Variants in SNW1 observed in about 807,000 individuals in gnomAD.
SNW1 encodes the protein SNW domain containing 1.
SNW1 carries 9 observed loss-of-function variants against 75.6 expected under a neutral mutation model. That is an observed-to-expected ratio of 0.12 (90% CI 0.07 to 0.21). The LOEUF is 0.21. Among genes scored for constraint, SNW1 ranks in the 10% least tolerant of loss-of-function variants. The pLI is 1.00. For synonymous variants in SNW1, 200 were observed against 219.1 expected, an observed-to-expected ratio of 0.91 and a Z score of 0.77; for missense variants, 409 against 670.9, an observed-to-expected ratio of 0.61 and a Z score of 4.31.
chr14:77,719,037 C>A (rs771282288), intron 12 of SNW1, among the ~76,000 whole-genome samples: 13 of 152,100 alleles, frequency 8.5e-5, no homozygotes, highest in Non-Finnish European at 1.6e-4. Context: ...CCTCAGCCTC[C>A]CAAGTAGCTG....
At chr14:77,760,789 C>T (rs1414604475) in intron 1 of SNW1, 2 of 706,566 alleles carry the variant, frequency 2.8e-6, no homozygotes, top group Non-Finnish European at 5.1e-6. Context: ...AACCCCATCT[C>T]GTTCGCCCGA....
At chr14:77,740,435 G>A (rs2080709422) in intron 3 of SNW1, among the ~76,000 whole-genome samples, 2 of 152,094 alleles carry the variant, frequency 1.3e-5, no homozygotes, top group African/African-American at 2.4e-5. Context: ...GAGCAAAAAA[G>A]TGTGAGCCAC....
In SNW1 at chr14:77,718,085, T is replaced by G; in HGVS notation, c.*3A>C. The stretch of plus-strand genomic sequence containing the variant: ...AGTTCATTCACTTTGGAGAGACCTG[T>G]GCCTATTCCTTCCTCCTCTTCTTGC... On this transcript the variant is annotated 3_prime_UTR_variant, in exon 14 of 14. Coordinates refer to ENST00000261531, the MANE Select transcript of SNW1 (RefSeq NM_012245.3). The G allele has an allele frequency of 6.4e-7, 1 of 1,572,202 alleles. No individual in the cohort carries two copies. The highest frequency in any genetic ancestry group is 8.6e-7 in the Non-Finnish European group (1 of 1,159,838).
intron 1 of SNW1, among the ~76,000 whole-genome samples, chr14:77,759,251 G>C (rs2080866660): frequency 6.6e-6 from 1 of 152,226 alleles, no homozygotes; most frequent in African/African-American, 2.4e-5. Context: ...GCTCACGCCA[G>C]TAATGCCAGC....
At chr14:77,732,155 T>C (rs2080632565) in intron 9 of SNW1, among the ~76,000 whole-genome samples, 1 of 152,210 alleles carries the variant, frequency 6.6e-6, no homozygotes, top group Admixed American at 6.5e-5. Flanking sequence ...AACTGCCCTT[T>C]TGGGGGACAT....
chr14:77,719,449 C>G (rs2139889058), intron 12 of SNW1, among the ~76,000 whole-genome samples: 1 of 152,124 alleles, frequency 6.6e-6, no homozygotes, highest in South Asian at 2.1e-4. Flanking sequence ...CCGCTTGACC[C>G]AACGTGATGA....
chr14:77,757,954 C>CTATCTATT (rs1555389084), intron 1 of SNW1, among the ~76,000 whole-genome samples: 4 of 104,404 alleles, frequency 3.8e-5, no homozygotes, highest in African/African-American at 1.5e-4. Flanking sequence ...ATCTATCTAT[C>CTATCTATT]GCAATCAATC....
chr14:77,720,842 C>T lies in SNW1; in HGVS notation c.1131-14G>A, dbSNP rs765981514. On this transcript the variant is annotated splice_polypyrimidine_tract_variant and intron_variant, in intron 11 of 13. Coordinates refer to ENST00000261531, the MANE Select transcript of SNW1 (RefSeq NM_012245.3). ...TGAAGTTTCGACCTATTTTGAAATA[C>T]GACATCACTAACTGAAAACTCTTTA... 1.1e-5 allele frequency: 16 copies of T among 1,523,738 alleles called. No homozygotes were observed. The Admixed American group carries it at 1.2e-4, about 11-fold the overall frequency. 94.4% of individuals were successfully genotyped at this position (1,523,738 alleles called of 1,614,324 possible). A position where few individuals can be genotyped will look rare whatever the true frequency, so the allele number is the denominator to read the frequency against.
At chr14:77,758,520 T>C (rs2080860714) in intron 1 of SNW1, among the ~76,000 whole-genome samples, 1 of 152,166 alleles carries the variant, frequency 6.6e-6, no homozygotes, top group African/African-American at 2.4e-5. Context: ...CTAGAGCTGT[T>C]TTCTGACCAC....
chr14:77,730,512 C>CA (rs1304193074), intron 10 of SNW1, among the ~76,000 whole-genome samples: 1 of 152,070 alleles, frequency 6.6e-6, no homozygotes, highest in Non-Finnish European at 1.5e-5. Context: ...CTCGACTTCC[C>CA]ACTCTAATTG....
intron 10 of SNW1, among the ~76,000 whole-genome samples, chr14:77,724,307 AT>A (rs768594950): frequency 6.6e-6 from 1 of 152,230 alleles, no homozygotes; most frequent in Non-Finnish European, 1.5e-5. Flanking sequence ...CACCTCAAAC[AT>A]TTGTTTGTGT....
At chr14:77,760,752 C>T in intron 1 of SNW1, 1 of 703,172 alleles carries the variant, frequency 1.4e-6, no homozygotes, top group South Asian at 1.5e-5. Context: ...GCGCTTCACT[C>T]CGCCCAAATA....
At chr14:77,759,014 C>T (rs888603877) in intron 1 of SNW1, among the ~76,000 whole-genome samples, 4 of 152,228 alleles carry the variant, frequency 2.6e-5, no homozygotes, top group Non-Finnish European at 4.4e-5. Context: ...AACTACAAAC[C>T]AGGGTTCCCA....
chr14:77,739,078 C>G lies in SNW1; in HGVS notation c.331-17G>C, dbSNP rs370975134. On this transcript the variant is annotated splice_polypyrimidine_tract_variant and intron_variant, in intron 3 of 13. Coordinates refer to ENST00000261531, the MANE Select transcript of SNW1 (RefSeq NM_012245.3). ...ATAAATGACCTAAAATGTTCAAACA[C>G]AAGCAGGCTTAAGAAAAGCAAACAA... is the stretch of plus-strand genomic sequence containing the variant. 1 of 1,584,780 alleles carries G rather than the reference C, an allele frequency of 6.3e-7. No individual in the cohort carries two copies. The highest frequency in any genetic ancestry group is 8.7e-7 in the Non-Finnish European group (1 of 1,154,522).
chr14:77,736,994 A>C lies in SNW1; in HGVS notation c.615T>G (p.Asp205Glu). Residue 205 changes from aspartate (D) to glutamate (E), a missense_variant, in exon 6 of 14, where the codon GAT becomes GAG. Coordinates refer to ENST00000261531, the MANE Select transcript of SNW1 (RefSeq NM_012245.3). ...RVIRMVEMQK[D>E]PMEPPRFKIN... is the part of the protein sequence containing the mutation. ...ACTTGAACCTTGGAGGCTCCATTGG[A>C]TCTTTCTGCATTTCTACCATCCGAA... 6.2e-7 allele frequency: 1 copy of C among 1,613,522 alleles called. No individual in the cohort carries two copies. Among genetic ancestry groups the C allele is most frequent in the Non-Finnish European group, 8.5e-7 (1 of 1,179,558 alleles).
rs777429426 is a variant in SNW1 at position 77,760,783 on chromosome 14, C to T, written c.14+331G>A. The stretch of plus-strand genomic sequence containing the variant: ...AAATAAGCCACTACCGTCACCAACC[C>T]CATCTCGTTCGCCCGAGCCGCGGAC... On this transcript the variant is annotated intron_variant, in intron 1 of 13. Transcript: ENST00000261531. 119 of 705,566 alleles carry T rather than the reference C, an allele frequency of 1.7e-4. No homozygotes were observed. The Middle Eastern group carries it at 1.9e-3, about 11-fold the overall frequency. 43.7% of individuals were successfully genotyped at this position (705,566 alleles called of 1,614,324 possible). A position where few individuals can be genotyped will look rare whatever the true frequency, so the allele number is the denominator to read the frequency against.
chr14:77,744,446 C>CAAAAAAAAAAAAAAAAAA (rs11335115), intron 3 of SNW1, among the ~76,000 whole-genome samples: 3 of 82,962 alleles, frequency 3.6e-5, no homozygotes, highest in Admixed American at 1.5e-4. Flanking sequence ...GTCTCCATCT[C>CAAAAAAAAAAAAAAAAAA]AAAAAAAAAA....
chr14:77,719,501 G>A (rs2080520456), intron 12 of SNW1, among the ~76,000 whole-genome samples: 1 of 152,140 alleles, frequency 6.6e-6, no homozygotes, highest in African/African-American at 2.4e-5. Flanking sequence ...GCCTGGCATG[G>A]TGGCACATGC....
intron 3 of SNW1, among the ~76,000 whole-genome samples, chr14:77,739,824 T>C (rs2080702656): frequency 6.6e-6 from 1 of 152,060 alleles, no homozygotes; most frequent in South Asian, 2.1e-4. Flanking sequence ...TTACATGGCA[T>C]ATTTTAAAGT....
Sources: allele counts gnomAD v4.1 joint callset (sites outside exome capture counted in the v4.1 genomes callset), GRCh38; gene constraint gnomAD v4.1.1; transcripts MANE v1.5; gene names NCBI Gene and HGNC (gene_info 2026-07-23, HGNC 2026-07-21).